NUSAP1: variants seen among roughly 807,000 people sequenced by gnomAD.
The protein encoded by NUSAP1 is nucleolar and spindle-associated protein 1.
NUSAP1 carries 32 observed loss-of-function variants against 52.8 expected under a neutral mutation model. That is an observed-to-expected ratio of 0.61 (90% CI 0.46 to 0.81). The LOEUF is 0.81. NUSAP1 is among the 40% of genes least tolerant of loss of function. The pLI, the probability that NUSAP1 is intolerant of heterozygous loss-of-function variation, is 0.00. For missense variants in NUSAP1, 499 were observed against 522.3 expected (o/e 0.96, Z 0.43); for synonymous variants, 195 against 183.1 (o/e 1.06, Z -0.52).
intron 6 of NUSAP1, among the ~76,000 whole-genome samples, chr15:41,361,534 A>G (rs938705984): frequency 2.6e-5 from 4 of 152,212 alleles, no homozygotes; most frequent in Admixed American, 1.3e-4. Flanking sequence ...CAACCTGGGC[A>G]ATACAGTGAG....
intron 6 of NUSAP1, among the ~76,000 whole-genome samples, chr15:41,362,384 A>C (rs912367301): frequency 6.7e-5 from 10 of 149,018 alleles, no homozygotes; most frequent in Non-Finnish European, 1.0e-4. Flanking sequence ...TTAATGGTAT[A>C]TATTATCTGT....
In NUSAP1 at chr15:41,380,498, A is replaced by C. The variant is rs2050167420; in HGVS notation, c.*312A>C. 1 of 233,234 alleles carries C rather than the reference A, an allele frequency of 4.3e-6. No homozygotes were observed. The highest frequency in any genetic ancestry group is 2.3e-5 in the African/African-American group (1 of 42,852). 14.4% of individuals were successfully genotyped at this position (233,234 alleles called of 1,614,324 possible). ...CCAAGTTCCCCCTGCTGGTTCTAAT[A>C]TTAACAGAACTGCAGTCTTCTGCTA... On this transcript the variant is annotated 3_prime_UTR_variant, in exon 11 of 11. Transcript: ENST00000559596.
At chr15:41,378,524 G>A (rs558641839) in intron 10 of NUSAP1, among the ~76,000 whole-genome samples, 13 of 152,290 alleles carry the variant, frequency 8.5e-5, no homozygotes, top group South Asian at 2.1e-4. Flanking sequence ...GGTGGCTCAC[G>A]CCTGTAATCC....
At chr15:41,377,084 G>GA (rs1010107411) in intron 9 of NUSAP1, 112 bp from the exon 10 acceptor site, 583 of 609,872 alleles carry the variant, frequency 9.6e-4, no homozygotes, top group South Asian at 1.4e-3. Flanking sequence ...CTGTCTCAAA[G>GA]AAAAAAAAAG....
At chr15:41,351,878 A>C (rs1052513010) in intron 4 of NUSAP1, 2 of 152,126 alleles carry the variant, frequency 1.3e-5, no homozygotes. Context: ...GACAGGTACC[A>C]GTGGTTAGGA....
intron 3 of NUSAP1, 118 bp from the exon 4 acceptor site, chr15:41,350,870 C>G (rs897191951): frequency 2.4e-6 from 2 of 844,376 alleles, no homozygotes; most frequent in African/African-American, 3.4e-5. Context: ...CACCAAAAAT[C>G]TCATTCTCCT....
chr15:41,333,125 G>A lies in NUSAP1; in HGVS notation c.93+75G>A, dbSNP rs556838777. On this transcript the variant is annotated intron_variant, in intron 1 of 10. Coordinates refer to ENST00000559596, the MANE Select transcript of NUSAP1 (RefSeq NM_016359.5). ...GCCTCGGGGAGATGCGGTGCGAAGG[G>A]ACCGAGAGGGAAGCCCGGGACTGAG... 74 of 1,126,536 alleles carry A rather than the reference G, an allele frequency of 6.6e-5. No homozygotes were observed. The African/African-American group carries it at 9.2e-4, about 14-fold the overall frequency. The allele number at this position is 1,126,536 out of a possible 1,614,324, so 69.8% of individuals were successfully genotyped here.
chr15:41,340,798 C>G (rs767108897), intron 1 of NUSAP1, among the ~76,000 whole-genome samples: 5 of 152,176 alleles, frequency 3.3e-5, no homozygotes, highest in Non-Finnish European at 5.9e-5. Flanking sequence ...TTATTACTAG[C>G]TGAAATAGTG....
At chr15:41,364,260 T>G (rs1189431317) in intron 6 of NUSAP1, among the ~76,000 whole-genome samples, 1 of 152,092 alleles carries the variant, frequency 6.6e-6, no homozygotes, top group Non-Finnish European at 1.5e-5. Context: ...AGAAAATGTC[T>G]GGCTAGGCTG....
intron 1 of NUSAP1, among the ~76,000 whole-genome samples, chr15:41,339,576 A>C (rs1422191649): frequency 6.6e-6 from 1 of 151,322 alleles, no homozygotes; most frequent in East Asian, 2.0e-4. Context: ...ATGCCCAGCT[A>C]ATTTTGTATT....
intron 2 of NUSAP1, among the ~76,000 whole-genome samples, chr15:41,348,722 C>T (rs2048671867): frequency 6.6e-6 from 1 of 152,154 alleles, no homozygotes; most frequent in African/African-American, 2.4e-5. Context: ...TCACTGCAAC[C>T]TCCCCTTGCC....
chr15:41,336,648 G>GTGTTTTTTTTTTTTTTTTT (rs1555426223), intron 1 of NUSAP1, among the ~76,000 whole-genome samples: 1 of 91,354 alleles, frequency 1.1e-5, no homozygotes, highest in African/African-American at 4.0e-5. Context: ...CCTCCTTTTG[G>GTGTTTTTTTTTTTTTTTTT]TTTTTTTTTT....
At chr15:41,377,373 C>T (rs377034516) in intron 10 of NUSAP1, 69 bp downstream of exon 10, 1 of 814,152 alleles carries the variant, frequency 1.2e-6, no homozygotes, top group Non-Finnish European at 1.9e-6. Context: ...GGGATAGGGG[C>T]TCAGTAATAG....
intron 8 of NUSAP1, 27 bp from the exon 9 acceptor site, chr15:41,375,685 T>C (rs1447705442): frequency 1.5e-6 from 2 of 1,376,024 alleles, no homozygotes; most frequent in East Asian, 4.6e-5. Flanking sequence ...CTAATTAAGC[T>C]CTTGGGTTTT....
chr15:41,366,881 G>A (rs1184082247), intron 7 of NUSAP1, among the ~76,000 whole-genome samples: 1 of 152,186 alleles, frequency 6.6e-6, no homozygotes, highest in African/African-American at 2.4e-5. Context: ...GTTTCATAGG[G>A]AAGAACATAC....
At chr15:41,359,651 G>A (rs1421127322) in intron 6 of NUSAP1, among the ~76,000 whole-genome samples, 2 of 146,078 alleles carry the variant, frequency 1.4e-5, no homozygotes, top group African/African-American at 5.1e-5. Context: ...TTTTTTTTGA[G>A]ACAGAGTTTC....
At position 41,346,980 on chromosome 15, in the gene NUSAP1, C is replaced by A. The variant is rs1452719392; in HGVS notation, c.163-2118C>A. 2.0e-5 allele frequency among the ~76,000 whole-genome samples: 3 copies of A among 152,136 alleles called. No homozygotes were observed. In the East Asian group the frequency reaches 5.8e-4, roughly 29 times the overall value. ...CTGAGGTCAGGAGTTCGAGACCAGC[C>A]TGGCCAAAATGGTGAAATCCCGTCT... On this transcript the variant is annotated intron_variant, in intron 2 of 10. Transcript: ENST00000559596.
intron 7 of NUSAP1, among the ~76,000 whole-genome samples, chr15:41,367,977 A>T (rs2049490077): frequency 6.6e-6 from 1 of 152,076 alleles, no homozygotes; most frequent in Non-Finnish European, 1.5e-5. Context: ...AATCCCAGCT[A>T]CTCAGGAGGC....
chr15:41,361,350 G>A (rs967797941), intron 6 of NUSAP1, among the ~76,000 whole-genome samples: 10 of 148,474 alleles, frequency 6.7e-5, no homozygotes, highest in African/African-American at 2.5e-4. Flanking sequence ...CCGAGACCAT[G>A]CCATTGCACT....
Sources: allele counts gnomAD v4.1 joint callset (sites outside exome capture counted in the v4.1 genomes callset), GRCh38; gene constraint gnomAD v4.1.1; transcripts MANE v1.5; gene names NCBI Gene and HGNC (gene_info 2026-07-23, HGNC 2026-07-21).